The following AUTS2 variants were observed in gnomAD, a reference collection of about 807,000 sequenced individuals.
AUTS2 encodes the protein activator of transcription and developmental regulator AUTS2.
A neutral mutation model predicts 112.4 loss-of-function variants in AUTS2; 17 were observed. The ratio of observed to expected loss-of-function variants is 0.15; its 90% CI spans 0.10 to 0.23. The LOEUF is 0.23. AUTS2 is among the 10% of genes least tolerant of loss of function. The pLI, the probability that AUTS2 is intolerant of heterozygous loss-of-function variation, is 1.00. For missense variants in AUTS2, 1,510 were observed against 1,701.6 expected (o/e 0.89, Z 1.98); for synonymous variants, 751 against 702.7 (o/e 1.07, Z -1.09).
chr7:70,078,947 G>GT (rs1381539079), intron 2 of AUTS2, among the ~76,000 whole-genome samples: 2 of 152,164 alleles, frequency 1.3e-5, no homozygotes, highest in Non-Finnish European at 2.9e-5. Context: ...TAAAATAACT[G>GT]TTAATGTCAA....
intron 4 of AUTS2, among the ~76,000 whole-genome samples, chr7:70,166,223 T>C (rs1219614504): frequency 6.6e-6 from 1 of 152,196 alleles, no homozygotes; most frequent in Non-Finnish European, 1.5e-5. Context: ...GAGTCAAATC[T>C]AACATCAGGC....
chr7:69,761,615 G>A (rs145590117), intron 1 of AUTS2, among the ~76,000 whole-genome samples: 4 of 152,240 alleles, frequency 2.6e-5, no homozygotes, highest in Non-Finnish European at 5.9e-5. Context: ...GACAGGACAT[G>A]GATTTGAAAT....
chr7:69,751,604 A>G (rs765795217), intron 1 of AUTS2, among the ~76,000 whole-genome samples: 18 of 152,226 alleles, frequency 1.2e-4, no homozygotes, highest in Non-Finnish European at 2.1e-4. Flanking sequence ...GCCTTTATTC[A>G]TCAGTGGTTT....
intron 4 of AUTS2, among the ~76,000 whole-genome samples, chr7:70,184,004 A>C (rs922139062): frequency 6.6e-6 from 1 of 152,084 alleles, no homozygotes; most frequent in African/African-American, 2.4e-5. Flanking sequence ...GGAGGTATCT[A>C]TTGTAGTTTG....
At chr7:69,614,370 T>TCTTTCTTTTCTTTCTTTTCTTTCTTTC (rs1322536871) in intron 1 of AUTS2, among the ~76,000 whole-genome samples, 9 of 28,554 alleles carry the variant, frequency 3.2e-4, no homozygotes, top group Admixed American at 6.7e-4. Context: ...CTTTCTTTTT[T>TCTTTCTTTTCTTTCTTTTCTTTCTTTC]TAAGAGATGG....
At chr7:70,348,810 C>CA (rs1038379386) in intron 4 of AUTS2, among the ~76,000 whole-genome samples, 6 of 151,586 alleles carry the variant, frequency 4.0e-5, no homozygotes, top group South Asian at 2.1e-4. Context: ...GACTCCGTCT[C>CA]AAAAAAACAA....
chr7:70,655,564 G>C (rs559480052), intron 5 of AUTS2, among the ~76,000 whole-genome samples: 4 of 152,302 alleles, frequency 2.6e-5, no homozygotes, highest in South Asian at 4.1e-4. Context: ...ATAAACAGAG[G>C]GGATTCCAAG....
At chr7:70,224,180 T>A (rs1175659554) in intron 4 of AUTS2, among the ~76,000 whole-genome samples, 2 of 152,060 alleles carry the variant, frequency 1.3e-5, no homozygotes, top group East Asian at 1.9e-4. Context: ...GTGGGCATGA[T>A]GGTGTGTGCC....
chr7:70,445,597 G>T (rs941530786), intron 5 of AUTS2, among the ~76,000 whole-genome samples: 2 of 152,200 alleles, frequency 1.3e-5, no homozygotes, highest in Admixed American at 6.5e-5. Context: ...AAGGTGAGAA[G>T]GGAAGGGCTA....
chr7:69,900,933 T>G (rs572917460), intron 2 of AUTS2, among the ~76,000 whole-genome samples: 1 of 152,276 alleles, frequency 6.6e-6, no homozygotes, highest in East Asian at 1.9e-4. Context: ...AACCTATAAT[T>G]TGTACAACAA....
intron 2 of AUTS2, among the ~76,000 whole-genome samples, chr7:69,994,458 G>C (rs917393884): frequency 3.3e-5 from 5 of 152,168 alleles, no homozygotes; most frequent in Non-Finnish European, 7.3e-5. Flanking sequence ...TGGAGGTTTA[G>C]AGAAGGTTTA....
At chr7:70,203,774 T>C (rs921782561) in intron 4 of AUTS2, among the ~76,000 whole-genome samples, 5 of 149,742 alleles carry the variant, frequency 3.3e-5, no homozygotes, top group Non-Finnish European at 7.4e-5. Flanking sequence ...ACTCCCCAAA[T>C]AAAAATTTAA....
At chr7:69,873,645 AT>A (rs1158979161) in intron 1 of AUTS2, among the ~76,000 whole-genome samples, 1 of 152,122 alleles carries the variant, frequency 6.6e-6, no homozygotes, top group Non-Finnish European at 1.5e-5. Flanking sequence ...ATTGGCATTC[AT>A]TTCTTAAGCT....
At chr7:69,912,436 A>G (rs1462121510) in intron 2 of AUTS2, among the ~76,000 whole-genome samples, 2 of 152,178 alleles carry the variant, frequency 1.3e-5, no homozygotes, top group African/African-American at 2.4e-5. Context: ...TCCTCAGAGC[A>G]TACAGCCCCG....
chr7:69,976,299 A>C (rs1362395028), intron 2 of AUTS2, among the ~76,000 whole-genome samples: 1 of 152,186 alleles, frequency 6.6e-6, no homozygotes, highest in African/African-American at 2.4e-5. Flanking sequence ...AATATCCTCA[A>C]GTTTCATCCA....
At chr7:70,393,468 C>T (rs1793953667) in intron 4 of AUTS2, among the ~76,000 whole-genome samples, 1 of 152,008 alleles carries the variant, frequency 6.6e-6, no homozygotes, top group African/African-American at 2.4e-5. Context: ...ACTGGGGTCG[C>T]AGAAAATTGC....
intron 5 of AUTS2, among the ~76,000 whole-genome samples, chr7:70,603,603 T>C (rs1378104598): frequency 1.3e-5 from 2 of 152,152 alleles, no homozygotes; most frequent in Admixed American, 1.3e-4. Context: ...GTGCTGTCAT[T>C]GTAAGAAATT....
At chr7:69,746,254 C>A (rs1787492126) in intron 1 of AUTS2, among the ~76,000 whole-genome samples, 1 of 152,132 alleles carries the variant, frequency 6.6e-6, no homozygotes, top group African/African-American at 2.4e-5. Flanking sequence ...TTTATTAATT[C>A]ATTGAGTATA....
chr7:70,427,601 T>C (rs933382773), intron 4 of AUTS2, among the ~76,000 whole-genome samples: 2 of 152,344 alleles, frequency 1.3e-5, no homozygotes, highest in African/African-American at 4.8e-5. Flanking sequence ...AAAAAAAATA[T>C]TAGAATTTAA....
Sources: allele counts gnomAD v4.1 joint callset (sites outside exome capture counted in the v4.1 genomes callset), GRCh38; gene constraint gnomAD v4.1.1; transcripts MANE v1.5; gene names NCBI Gene and HGNC (gene_info 2026-07-23, HGNC 2026-07-21).